Variants in SEZ6L observed in about 807,000 individuals in gnomAD.
SEZ6L encodes seizure related 6 homolog like.
Under a neutral mutation model 106.2 loss-of-function variants are expected in SEZ6L, and 37 were observed. The observed-to-expected ratio is 0.35, with a 90% CI of 0.27 to 0.46. The LOEUF (loss-of-function observed/expected upper bound fraction) is 0.46. SEZ6L is among the 20% of genes least tolerant of loss of function. The pLI, the probability that SEZ6L is intolerant of heterozygous loss-of-function variation, is 1.00. For synonymous variants in SEZ6L, 541 were observed against 570.4 expected (o/e 0.95, Z 0.73); for missense variants, 1,172 against 1,332.8 (o/e 0.88, Z 1.88).
chr22:26,341,191 A>T (rs769422749), intron 10 of SEZ6L, among the ~76,000 whole-genome samples: 2 of 152,154 alleles, frequency 1.3e-5, no homozygotes, highest in Non-Finnish European at 2.9e-5. Context: ...TTTAGGAGCT[A>T]TAGATGCAAA....
intron 5 of SEZ6L, among the ~76,000 whole-genome samples, chr22:26,305,031 A>G (rs1395270476): frequency 6.6e-6 from 1 of 152,252 alleles, no homozygotes; most frequent in Non-Finnish European, 1.5e-5. Flanking sequence ...CCTGTACAGC[A>G]TGTTACTGTG....
At chr22:26,351,740 T>C (rs2083289978) in intron 12 of SEZ6L, among the ~76,000 whole-genome samples, 1 of 150,446 alleles carries the variant, frequency 6.6e-6, no homozygotes, top group Non-Finnish European at 1.5e-5. Context: ...AAAGATGGGG[T>C]TTCACCATGT....
At chr22:26,356,343 A>C (rs1371201324) in intron 12 of SEZ6L, among the ~76,000 whole-genome samples, 1 of 152,184 alleles carries the variant, frequency 6.6e-6, no homozygotes, top group African/African-American at 2.4e-5. Flanking sequence ...TTTTATTATT[A>C]AATAATGACA....
At chr22:26,237,554 T>C (rs894298233) in intron 1 of SEZ6L, among the ~76,000 whole-genome samples, 3 of 152,246 alleles carry the variant, frequency 2.0e-5, no homozygotes, top group African/African-American at 4.8e-5. Context: ...AGTTCATATA[T>C]GCAAAGTGCT....
intron 1 of SEZ6L, among the ~76,000 whole-genome samples, chr22:26,254,337 G>A (rs2079729775): frequency 6.6e-6 from 1 of 151,858 alleles, no homozygotes; most frequent in South Asian, 2.1e-4. Flanking sequence ...CACTGAAAAA[G>A]AAAAAGGAAG....
chr22:26,235,870 A>G (rs543680989), intron 1 of SEZ6L, among the ~76,000 whole-genome samples: 3 of 152,170 alleles, frequency 2.0e-5, no homozygotes, highest in Non-Finnish European at 4.4e-5. Context: ...AAGCGGAAAA[A>G]GAAGGAATAT....
chr22:26,266,324 G>A (rs967835565), intron 1 of SEZ6L, among the ~76,000 whole-genome samples: 2 of 151,824 alleles, frequency 1.3e-5, no homozygotes, highest in East Asian at 3.9e-4. Flanking sequence ...ACTTTGGGAG[G>A]CCAAGGCGGG....
chr22:26,343,301 A>G (rs645375), intron 10 of SEZ6L, among the ~76,000 whole-genome samples: 1 of 150,140 alleles, frequency 6.7e-6, no homozygotes, highest in African/African-American at 2.5e-5. Flanking sequence ...TCAGTATTCC[A>G]AACCTGCATT....
chr22:26,247,362 C>T (rs766651647), intron 1 of SEZ6L, among the ~76,000 whole-genome samples: 17 of 152,132 alleles, frequency 1.1e-4, no homozygotes, highest in Non-Finnish European at 1.9e-4. Context: ...CCGAAAAGCT[C>T]AGGATGTAAC....
At chr22:26,269,990 G>A (rs767876342) in intron 1 of SEZ6L, among the ~76,000 whole-genome samples, 6 of 152,208 alleles carry the variant, frequency 3.9e-5, no homozygotes, top group Non-Finnish European at 8.8e-5. Flanking sequence ...AGACCCCGGA[G>A]AAAGACTCAG....
At chr22:26,191,459 A>C (rs909424076) in intron 1 of SEZ6L, among the ~76,000 whole-genome samples, 5 of 152,140 alleles carry the variant, frequency 3.3e-5, no homozygotes, top group Admixed American at 1.3e-4. Flanking sequence ...GCTGGAAGGC[A>C]TTATCCTCAG....
intron 1 of SEZ6L, among the ~76,000 whole-genome samples, chr22:26,289,083 C>T (rs899438977): frequency 6.6e-6 from 1 of 152,178 alleles, no homozygotes; most frequent in Non-Finnish European, 1.5e-5. Context: ...GTCTGGCTGC[C>T]CATTTGACAC....
At chr22:26,328,324 G>T (rs2082382985) in intron 9 of SEZ6L, among the ~76,000 whole-genome samples, 1 of 152,116 alleles carries the variant, frequency 6.6e-6, no homozygotes, top group Admixed American at 6.5e-5. Flanking sequence ...TGTAATAGAG[G>T]AAAAATGCTC....
Position 26,296,303 on chromosome 22 carries a change from A to T in SEZ6L, c.970-585A>T, listed in dbSNP as rs147708051. 1.1e-4 allele frequency among the ~76,000 whole-genome samples: 16 copies of T among 152,304 alleles called. No homozygotes were observed. In the East Asian group the frequency reaches 3.1e-3, roughly 29 times the overall value. On this transcript the variant is annotated intron_variant, in intron 3 of 16. Transcript: ENST00000248933. ...GGGAGAATAAGAGAATGGGCCAGAG[A>T]GTGCCCTAGAAATGAGGCCCCCACC...
chr22:26,377,250 C>T lies in SEZ6L; in HGVS notation c.2943-423C>T, dbSNP rs371661595. 8.5e-5 allele frequency among the ~76,000 whole-genome samples: 13 copies of T among 152,230 alleles called. No individual in the cohort carries two copies. The East Asian group carries it at 1.4e-3, about 16-fold the overall frequency. On this transcript the variant is annotated intron_variant, in intron 15 of 16. Coordinates refer to ENST00000248933, the MANE Select transcript of SEZ6L (RefSeq NM_021115.5). The stretch of plus-strand genomic sequence containing the variant: ...GAGATGGCACCACTGCACTACAACC[C>T]GGGTGACAGAGCAAGACCCTGTCTC...
At chr22:26,269,445 G>A (rs2080291880) in intron 1 of SEZ6L, among the ~76,000 whole-genome samples, 1 of 152,162 alleles carries the variant, frequency 6.6e-6, no homozygotes, top group South Asian at 2.1e-4. Context: ...GTGGGAGAAG[G>A]TATTGCTAAC....
chr22:26,249,975 G>C (rs2079514032), intron 1 of SEZ6L, among the ~76,000 whole-genome samples: 1 of 151,992 alleles, frequency 6.6e-6, no homozygotes, highest in South Asian at 2.1e-4. Flanking sequence ...TCTTATTTTG[G>C]GAGATGTTTA....
At chr22:26,302,511 C>T (rs1427271143) in intron 5 of SEZ6L, among the ~76,000 whole-genome samples, 1 of 152,194 alleles carries the variant, frequency 6.6e-6, no homozygotes, top group African/African-American at 2.4e-5. Context: ...AATATTGGAA[C>T]TAATGAGACA....
chr22:26,175,744 C>T (rs1240673516), intron 1 of SEZ6L, among the ~76,000 whole-genome samples: 1 of 152,104 alleles, frequency 6.6e-6, no homozygotes, highest in Non-Finnish European at 1.5e-5. Context: ...ATGGAGAACT[C>T]ACATTGTATA....
Sources: allele counts gnomAD v4.1 joint callset (sites outside exome capture counted in the v4.1 genomes callset), GRCh38; gene constraint gnomAD v4.1.1; transcripts MANE v1.5; gene names NCBI Gene and HGNC (gene_info 2026-07-23, HGNC 2026-07-21).